The following MAP4K4 variants were observed in gnomAD, a reference collection of about 807,000 sequenced individuals.
The protein encoded by MAP4K4 is HPK/GCK-like kinase HGK.
In MAP4K4, 38 loss-of-function variants were observed where a neutral mutation model predicts 189.6. The ratio of observed to expected loss-of-function variants is 0.20; its 90% CI spans 0.15 to 0.26. MAP4K4 has a LOEUF of 0.26. Ranked by LOEUF, MAP4K4 falls within the 10% of genes least tolerant of loss-of-function variation. MAP4K4 has a pLI of 1.00. For missense variants in MAP4K4, 1,054 were observed against 1,726.9 expected (o/e 0.61, Z 6.91); for synonymous variants, 610 against 624.3 (o/e 0.98, Z 0.34).
chr2:101,893,797 C>G (rs1241383161), exon 33 of MAP4K4: 1 of 153,488 alleles, frequency 6.5e-6, no homozygotes, highest in Non-Finnish European at 1.5e-5. Flanking sequence ...GTAAAGGGGT[C>G]TGAGCTCACA....
intron 2 of MAP4K4, among the ~76,000 whole-genome samples, chr2:101,742,504 C>T (rs774154746): frequency 6.8e-6 from 1 of 147,578 alleles, no homozygotes; most frequent in Non-Finnish European, 1.5e-5. Context: ...ACTTCTCCCT[C>T]TAGGATGTTT....
At chr2:101,742,607 T>G (rs2063354881) in intron 2 of MAP4K4, among the ~76,000 whole-genome samples, 1 of 152,160 alleles carries the variant, frequency 6.6e-6, no homozygotes, top group African/African-American at 2.4e-5. Flanking sequence ...AGCACTGCTT[T>G]CCCACTTCCT....
chr2:101,874,858 A>G (rs1299121709), intron 26 of MAP4K4, among the ~76,000 whole-genome samples: 1 of 152,216 alleles, frequency 6.6e-6, no homozygotes, highest in Non-Finnish European at 1.5e-5. Flanking sequence ...AAGTGCCACA[A>G]TACCTGCAGC....
chr2:101,848,060 G>C (rs953725502), intron 12 of MAP4K4, among the ~76,000 whole-genome samples: 8 of 152,166 alleles, frequency 5.3e-5, no homozygotes, highest in African/African-American at 1.9e-4. Context: ...ATATGGCCTA[G>C]GTGTGTAATA....
intron 2 of MAP4K4, among the ~76,000 whole-genome samples, chr2:101,731,156 GC>G (rs1252982324): frequency 6.6e-6 from 1 of 151,602 alleles, no homozygotes; most frequent in Non-Finnish European, 1.5e-5. Context: ...TCATTCTGCT[GC>G]CCAGGCTGGA....
intron 9 of MAP4K4, among the ~76,000 whole-genome samples, chr2:101,836,806 A>T (rs1303101017): frequency 2.6e-5 from 4 of 152,160 alleles, no homozygotes; most frequent in Non-Finnish European, 5.9e-5. Context: ...ACATTTGTCA[A>T]ACAGAGTACT....
chr2:101,774,874 T>G (rs1318279457), intron 2 of MAP4K4, among the ~76,000 whole-genome samples: 1 of 151,970 alleles, frequency 6.6e-6, no homozygotes, highest in Non-Finnish European at 1.5e-5. Flanking sequence ...GGCTCTTGGG[T>G]GTGGTGGAAT....
chr2:101,834,149 CTTCCTTCCT>C (rs376119894), intron 7 of MAP4K4, among the ~76,000 whole-genome samples: 33 of 150,462 alleles, frequency 2.2e-4, no homozygotes, highest in East Asian at 9.8e-4. Flanking sequence ...CAATTTTCTC[CTTCCTTCCT>C]TTCCTTCCTT....
intron 2 of MAP4K4, among the ~76,000 whole-genome samples, chr2:101,723,959 G>A (rs1442729761): frequency 2.6e-5 from 4 of 152,098 alleles, no homozygotes; most frequent in African/African-American, 9.7e-5. Flanking sequence ...TAGGAAGGTC[G>A]GCTGACATTT....
chr2:101,862,206 A>G (rs909059807), intron 16 of MAP4K4: 4 of 140,714 alleles, frequency 2.8e-5, no homozygotes, highest in African/African-American at 1.1e-4. Context: ...GTGCTACTGC[A>G]TGCCAGCCTG....
At chr2:101,824,116 G>C in intron 4 of MAP4K4, 63 bp downstream of exon 4, 1 of 1,194,260 alleles carries the variant, frequency 8.4e-7, no homozygotes, top group East Asian at 2.9e-5. Context: ...AGGGCATGGC[G>C]GGGGTGGGGG....
At chr2:101,796,447 G>A (rs1006376617) in intron 3 of MAP4K4, among the ~76,000 whole-genome samples, 5 of 152,162 alleles carry the variant, frequency 3.3e-5, no homozygotes, top group African/African-American at 1.2e-4. Flanking sequence ...GCTCAGAGAC[G>A]CTAATAACTT....
chr2:101,789,204 G>A (rs2092393631), intron 2 of MAP4K4, among the ~76,000 whole-genome samples: 1 of 152,166 alleles, frequency 6.6e-6, no homozygotes, highest in South Asian at 2.1e-4. Flanking sequence ...GATGAACTTT[G>A]TACGCTTATG....
chr2:101,790,355 T>C (rs1178165066), intron 2 of MAP4K4, among the ~76,000 whole-genome samples: 1 of 151,756 alleles, frequency 6.6e-6, no homozygotes, highest in Non-Finnish European at 1.5e-5. Flanking sequence ...GATAGTGTTA[T>C]GTAAATTAAA....
Position 101,873,823 on chromosome 2 carries a change from C to G in MAP4K4, c.3070+59C>G. ...AATGGGACTTTATCTTTGAGTTGCT[C>G]TTTTGGGTGGCTTAGGTGTAGCTGG... is the stretch of plus-strand genomic sequence containing the variant. On this transcript the variant is annotated intron_variant, in intron 25 of 32. Coordinates refer to ENST00000324219, the Ensembl canonical transcript of MAP4K4. The G allele has an allele frequency of 2.4e-6, 3 of 1,266,264 alleles. No individual in the cohort carries two copies. In the South Asian group the frequency reaches 3.8e-5, roughly 16 times the overall value. The allele number at this position is 1,266,264 out of a possible 1,614,324, so 78.4% of individuals were successfully genotyped here.
chr2:101,698,386 C>A, intron 1 of MAP4K4, 87 bp from the exon 2 acceptor site: 1 of 1,264,194 alleles, frequency 7.9e-7, no homozygotes, highest in Non-Finnish European at 1.2e-6. Context: ...TCTTTTGTCA[C>A]CGCCTTTTCT....
intron 2 of MAP4K4, among the ~76,000 whole-genome samples, chr2:101,778,601 C>T (rs1166804410): frequency 6.6e-6 from 1 of 151,994 alleles, no homozygotes; most frequent in Non-Finnish European, 1.5e-5. Context: ...AAAGCAGGGG[C>T]AGGGTTAAGA....
In MAP4K4 at chr2:101,698,638, C is replaced by T. The variant is rs550379979; in HGVS notation, c.123+100C>T. ...ACATGCTGCTGACTGGAGGCCACGC[C>T]GCTTGGCCAAAGTTGGGAGAGGGGT... On this transcript the variant is annotated intron_variant, in intron 2 of 32. Coordinates refer to ENST00000324219, the Ensembl canonical transcript of MAP4K4. 573 of 1,152,962 alleles carry T rather than the reference C, an allele frequency of 5.0e-4. 9 individuals carry two copies. In the South Asian group the frequency reaches 5.4e-3, roughly 11 times the overall value. The allele number at this position is 1,152,962 out of a possible 1,614,324, so 71.4% of individuals were successfully genotyped here.
chr2:101,869,691 T>C, exon 22 of MAP4K4: 1 of 1,607,180 alleles, frequency 6.2e-7, no homozygotes, highest in Non-Finnish European at 8.5e-7. Context: ...AGTAACGGAC[T>C]ACTCCTCATC....
Sources: allele counts gnomAD v4.1 joint callset (sites outside exome capture counted in the v4.1 genomes callset), GRCh38; gene constraint gnomAD v4.1.1; transcripts MANE v1.5; gene names NCBI Gene and HGNC (gene_info 2026-07-23, HGNC 2026-07-21).